Variants in TTC34 observed in about 807,000 individuals in gnomAD.
The protein encoded by TTC34 is tetratricopeptide repeat protein 34.
In TTC34, 44 loss-of-function variants were observed where a neutral mutation model predicts 40.7. That is an observed-to-expected ratio of 1.08 (90% CI 0.85 to 1.39). The LOEUF (loss-of-function observed/expected upper bound fraction) is 1.39. Among genes scored for constraint, TTC34 ranks in the 40% most tolerant of loss-of-function variants. TTC34 has a pLI of 0.00. For synonymous variants in TTC34, 422 were observed against 398.6 expected (o/e 1.06, Z -0.70); for missense variants, 884 against 838.0 (o/e 1.05, Z -0.68).
At chr1:2,760,005 CA>C (rs1641643301) in intron 6 of TTC34, among the ~76,000 whole-genome samples, 2 of 89,146 alleles carry the variant, frequency 2.2e-5, no homozygotes, top group Non-Finnish European at 4.3e-5. Flanking sequence ...CCCACAACCA[CA>C]GGTGAGCATC....
chr1:2,756,454 AGAG>A (rs1641508739), intron 6 of TTC34, among the ~76,000 whole-genome samples: 1 of 16,786 alleles, frequency 6.0e-5, no homozygotes, highest in Admixed American at 6.8e-4. Flanking sequence ...ACAGCCTGGA[AGAG>A]CAACCACACC....
rs117874566 is a variant in TTC34 at position 2,644,898 on chromosome 1, C to T, written c.2497+395G>A. ...ATCACCAGGGGGATGTGGAAATCCGCGGGAAGGGCCTGCATGTCGGCCCAT... is the reference window on the plus strand; with the variant it reads ...ATCACCAGGGGGATGTGGAAATCCGTGGGAAGGGCCTGCATGTCGGCCCAT... On this transcript the variant is annotated intron_variant, in intron 7 of 8. Transcript: ENST00000401095. 1.8e-3 allele frequency among the ~76,000 whole-genome samples: 267 copies of T among 151,996 alleles called. 6 individuals carry two copies. In the East Asian group the frequency reaches 0.048, roughly 27 times the overall value.
intron 6 of TTC34, among the ~76,000 whole-genome samples, chr1:2,755,161 G>T (rs1264757622): frequency 2.0e-5 from 1 of 50,696 alleles, no homozygotes; most frequent in Non-Finnish European, 3.2e-5. Flanking sequence ...GCATGTGACA[G>T]CCTGGATCAG....
In TTC34 at chr1:2,792,033, T is replaced by TTTTTTTTTTTA. The variant is rs1553171534; in HGVS notation, c.785-1688_785-1687insTAAAAAAAAAA. ...TTTTTTTTTTTTTTTTTTTTTTTTT[T>TTTTTTTTTTTA]AAAGACAGGGTCTTGCTCCATCACC... On this transcript the variant is annotated intron_variant, in intron 2 of 8. Transcript: ENST00000401095. 6.5e-5 allele frequency among the ~76,000 whole-genome samples: 7 copies of TTTTTTTTTTTA among 107,102 alleles called. 1 individual carries two copies. The highest frequency in any genetic ancestry group is 2.9e-4 in the East Asian group (1 of 3,482). 70.3% of individuals were successfully genotyped at this position (107,102 alleles called of 152,430 possible). A position where few individuals can be genotyped will look rare whatever the true frequency, so the allele number is the denominator to read the frequency against.
chr1:2,699,589 T>A (rs1464670618), intron 6 of TTC34, among the ~76,000 whole-genome samples: 2 of 65,930 alleles, frequency 3.0e-5, no homozygotes, highest in African/African-American at 4.1e-5. Context: ...GGTGAGCATC[T>A]GACAGCCTGG....
At chr1:2,779,683 A>G (rs973106468) in intron 6 of TTC34, among the ~76,000 whole-genome samples, 2 of 152,114 alleles carry the variant, frequency 1.3e-5, no homozygotes, top group Non-Finnish European at 2.9e-5. Context: ...CTGCTGCACC[A>G]TTTTACCTTC....
At chr1:2,777,713 C>T (rs1041913058) in intron 6 of TTC34, among the ~76,000 whole-genome samples, 2 of 151,722 alleles carry the variant, frequency 1.3e-5, no homozygotes, top group Non-Finnish European at 2.9e-5. Context: ...AGCATCAGCC[C>T]ATATCCTGGA....
intron 6 of TTC34, among the ~76,000 whole-genome samples, chr1:2,686,626 G>C (rs112115757): frequency 1.6e-5 from 1 of 64,168 alleles, no homozygotes; most frequent in Non-Finnish European, 4.1e-5. Flanking sequence ...CTGACAGCAT[G>C]TAACAGCACC....
At chr1:2,791,523 G>A (rs1025976909) in intron 2 of TTC34, among the ~76,000 whole-genome samples, 9 of 152,152 alleles carry the variant, frequency 5.9e-5, no homozygotes, top group South Asian at 2.1e-4. Flanking sequence ...AAGCCGCTGC[G>A]GTCACTGCCC....
chr1:2,782,636 C>T (rs1569952473), intron 6 of TTC34, among the ~76,000 whole-genome samples: 2 of 152,064 alleles, frequency 1.3e-5, no homozygotes, highest in Admixed American at 6.5e-5. Context: ...TACATTTCCC[C>T]CTCAGGATTG....
intron 6 of TTC34, among the ~76,000 whole-genome samples, chr1:2,754,778 C>CACACAGGTGAGCATCTGACAG (rs1641448167): frequency 6.7e-6 from 1 of 148,324 alleles, no homozygotes; most frequent in African/African-American, 2.5e-5. Context: ...AGCACCCACA[C>CACACAGGTGAGCATCTGACAG]CCACAGGTGA....
intron 6 of TTC34, among the ~76,000 whole-genome samples, chr1:2,754,270 C>A (rs1385167144): frequency 1.1e-4 from 5 of 45,230 alleles, no homozygotes; most frequent in Admixed American, 2.1e-4. Flanking sequence ...CCAGGTGAGC[C>A]TCTGACAGCC....
intron 2 of TTC34, among the ~76,000 whole-genome samples, chr1:2,792,182 G>A (rs56118932): frequency 0.062 from 9,438 of 151,046 alleles, 631 homozygotes; most frequent in African/African-American, 0.17. Flanking sequence ...GATGTTTTTT[G>A]GAGTTGGAGT....
intron 6 of TTC34, among the ~76,000 whole-genome samples, chr1:2,693,486 A>C (rs1265844186): frequency 1.1e-5 from 1 of 94,144 alleles, no homozygotes; most frequent in African/African-American, 4.2e-5. Flanking sequence ...AGCATCCGAC[A>C]GCCTGGAGAA....
chr1:2,644,399 C>T (rs1638975992), exon 8 of TTC34: 4 of 1,535,996 alleles, frequency 2.6e-6, no homozygotes, highest in Non-Finnish European at 3.5e-6. Context: ...GGAGCAGGCC[C>T]AGCCGGGCCC....
At chr1:2,794,277 G>A (rs1286701123) in intron 2 of TTC34, among the ~76,000 whole-genome samples, 1 of 152,172 alleles carries the variant, frequency 6.6e-6, no homozygotes, top group African/African-American at 2.4e-5. Flanking sequence ...AAAGTGCTGG[G>A]ATTACAGGCA....
chr1:2,769,557 G>C (rs1219643188), intron 6 of TTC34, among the ~76,000 whole-genome samples: 2 of 122,626 alleles, frequency 1.6e-5, no homozygotes, highest in African/African-American at 6.9e-5. Context: ...ACCTCCAGGG[G>C]AGCATCTGAC....
intron 6 of TTC34, among the ~76,000 whole-genome samples, chr1:2,779,618 C>G (rs192718781): frequency 4.0e-4 from 61 of 152,334 alleles, no homozygotes; most frequent in African/African-American, 1.5e-3. Flanking sequence ...CCACCACACC[C>G]AGCTGGTAGT....
chr1:2,786,063 C>T lies in TTC34; in HGVS notation c.1855-40G>A, dbSNP rs542303414. On this transcript the variant is annotated intron_variant, in intron 4 of 8. Coordinates refer to ENST00000401095, the Ensembl canonical transcript of TTC34. Reference sequence around the variant, plus strand: ...CAGTCACTGCCCATGCCCTTGGGACCGATGCCCTGGAGCCCACCCTGTACT... The same window carrying T: ...CAGTCACTGCCCATGCCCTTGGGACTGATGCCCTGGAGCCCACCCTGTACT... 1.5e-5 allele frequency: 21 copies of T among 1,415,852 alleles called. No individual in the cohort carries two copies. The East Asian group carries it at 1.7e-4, about 11-fold the overall frequency. The allele number at this position is 1,415,852 out of a possible 1,614,324, so 87.7% of individuals were successfully genotyped here.
Sources: allele counts gnomAD v4.1 joint callset (sites outside exome capture counted in the v4.1 genomes callset), GRCh38; gene constraint gnomAD v4.1.1; transcripts MANE v1.5; gene names NCBI Gene and HGNC (gene_info 2026-07-23, HGNC 2026-07-21).